AKAP13: variants seen among roughly 807,000 people sequenced by gnomAD.
The protein encoded by AKAP13 is A-kinase anchoring protein 13, also known as A-kinase anchor protein 13.
A neutral mutation model predicts 264.5 loss-of-function variants in AKAP13; 80 were observed. The observed-to-expected ratio is 0.30, with a 90% CI of 0.25 to 0.36. AKAP13 has a LOEUF of 0.36. Ranked by LOEUF, AKAP13 falls within the 10% of genes least tolerant of loss-of-function variation. AKAP13 has a pLI of 1.00. For synonymous variants in AKAP13, 1,380 were observed against 1,250.2 expected, an observed-to-expected ratio of 1.10 and a Z score of -2.19; for missense variants, 3,712 against 3,435.2, an observed-to-expected ratio of 1.08 and a Z score of -2.01.
chr15:85,587,287 T>C (rs907359340), intron 8 of AKAP13, among the ~76,000 whole-genome samples: 1 of 152,244 alleles, frequency 6.6e-6, no homozygotes, highest in East Asian at 1.9e-4. Context: ...CAGAACTTCA[T>C]GTAAATGGTA....
chr15:85,628,954 A>G lies in AKAP13; in HGVS notation c.4162-10420A>G, dbSNP rs188811825. Among the ~76,000 whole-genome samples, 529 of 152,294 alleles carry G rather than the reference A, an allele frequency of 3.5e-3. 5 individuals carry two copies. Among genetic ancestry groups the G allele is most frequent in the Non-Finnish European group, 1.6e-3 (112 of 68,034 alleles). The stretch of plus-strand genomic sequence containing the variant: ...GCGGCTGCAATCCTAATGCTTTGGG[A>G]AGCCGAGGTGGGAGGATTGCTTGAG... On this transcript the variant is annotated intron_variant, in intron 8 of 36. Transcript: ENST00000394518.
intron 1 of AKAP13, among the ~76,000 whole-genome samples, chr15:85,468,125 C>A (rs543993652): frequency 2.0e-5 from 3 of 152,256 alleles, no homozygotes; most frequent in African/African-American, 7.2e-5. Flanking sequence ...TCTTATATTT[C>A]TCAGGGTAAA....
chr15:85,613,713 T>TATATATATATATATA (rs1254657975), intron 8 of AKAP13, among the ~76,000 whole-genome samples: 19 of 110,880 alleles, frequency 1.7e-4, no homozygotes, highest in South Asian at 3.4e-4. Flanking sequence ...TATATATATA[T>TATATATATATATATA]TAGGAGTGCT....
chr15:85,690,849 C>T (rs1353074383), intron 16 of AKAP13, among the ~76,000 whole-genome samples: 2 of 152,174 alleles, frequency 1.3e-5, no homozygotes, highest in African/African-American at 4.8e-5. Flanking sequence ...CAGTTATTGG[C>T]GTGTGGCCTC....
chr15:85,736,417 GT>G (rs1177608907), intron 33 of AKAP13, among the ~76,000 whole-genome samples: 20 of 130,040 alleles, frequency 1.5e-4, no homozygotes, highest in Non-Finnish European at 2.6e-4. Flanking sequence ...GCCTCTTGCT[GT>G]TTTTTTGTTT....
chr15:85,717,905 A>T (rs2087047834), intron 21 of AKAP13, 102 bp from the exon 22 acceptor site: 2 of 1,145,072 alleles, frequency 1.7e-6, no homozygotes, highest in South Asian at 3.0e-5. Flanking sequence ...CCCTGTATTC[A>T]TGTGTCTTAT....
intron 2 of AKAP13, among the ~76,000 whole-genome samples, chr15:85,503,870 G>A (rs2076108069): frequency 6.6e-6 from 1 of 152,222 alleles, no homozygotes; most frequent in African/African-American, 2.4e-5. Flanking sequence ...ATTCTCAGGG[G>A]CTTGGTATAC....
At chr15:85,705,046 A>T (rs982685551) in intron 17 of AKAP13, among the ~76,000 whole-genome samples, 3 of 152,186 alleles carry the variant, frequency 2.0e-5, no homozygotes, top group Non-Finnish European at 4.4e-5. Context: ...CATAATATAG[A>T]GCGTGTTAAA....
chr15:85,726,854 T>G (rs534628228), intron 27 of AKAP13: 5 of 598,880 alleles, frequency 8.3e-6, no homozygotes, highest in Non-Finnish European at 1.4e-5. Context: ...ACTGGAACCT[T>G]TAGAGCCATA....
At chr15:85,478,403 C>T (rs182192223) in intron 1 of AKAP13, among the ~76,000 whole-genome samples, 29 of 152,258 alleles carry the variant, frequency 1.9e-4, no homozygotes, top group African/African-American at 7.0e-4. Context: ...TTTTTTAAAA[C>T]TACATTTAAC....
intron 19 of AKAP13, among the ~76,000 whole-genome samples, chr15:85,710,974 C>G (rs188953733): frequency 6.2e-4 from 94 of 152,010 alleles, no homozygotes; most frequent in African/African-American, 2.2e-3. Context: ...TAGTGCCTTA[C>G]AATCATACAA....
At chr15:85,686,057 G>A (rs2151617667) in intron 16 of AKAP13, among the ~76,000 whole-genome samples, 1 of 152,092 alleles carries the variant, frequency 6.6e-6, no homozygotes, top group Admixed American at 6.5e-5. Context: ...CTCACACCCT[G>A]TTCATCTACC....
At chr15:85,697,666 G>C (rs1404871336) in intron 17 of AKAP13, among the ~76,000 whole-genome samples, 1 of 152,178 alleles carries the variant, frequency 6.6e-6, no homozygotes, top group East Asian at 1.9e-4. Flanking sequence ...AAACAACTGA[G>C]TAAAATTTAA....
chr15:85,600,247 C>A (rs1195247664), intron 8 of AKAP13, among the ~76,000 whole-genome samples: 5 of 149,550 alleles, frequency 3.3e-5, no homozygotes, highest in African/African-American at 1.2e-4. Context: ...ATTCTTTTAG[C>A]AGTTGTTCCT....
rs2070385554 is a variant in AKAP13, at chr15:85,383,279, A to C, written c.-12+2481A>C. On this transcript the variant is annotated intron_variant, in intron 1 of 36. Coordinates refer to ENST00000394518, the MANE Select transcript of AKAP13 (RefSeq NM_007200.5). The stretch of plus-strand genomic sequence containing the variant: ...GAAAAAAATTAGAAATTTTAGAAAA[A>C]AGTACACCCTTTGGAACTAGGTAGC... Among the ~76,000 whole-genome samples, 3 of 152,136 alleles carry C rather than the reference A, an allele frequency of 2.0e-5. No homozygotes were observed. In the South Asian group the frequency reaches 6.2e-4, roughly 32 times the overall value.
At chr15:85,439,043 G>C (rs2073480920) in intron 1 of AKAP13, among the ~76,000 whole-genome samples, 1 of 149,552 alleles carries the variant, frequency 6.7e-6, no homozygotes, top group East Asian at 2.0e-4. Flanking sequence ...CCTACAAAAT[G>C]GGAGAAAATT....
chr15:85,499,653 G>T (rs1345070199), intron 2 of AKAP13, among the ~76,000 whole-genome samples: 1 of 151,640 alleles, frequency 6.6e-6, no homozygotes, highest in Non-Finnish European at 1.5e-5. Context: ...CTGCACCCCC[G>T]AGCCCTGCCA....
chr15:85,479,472 A>G (rs2075285128), intron 1 of AKAP13, among the ~76,000 whole-genome samples: 1 of 152,194 alleles, frequency 6.6e-6, no homozygotes, highest in African/African-American at 2.4e-5. Context: ...ACATTGTGCC[A>G]TGGAAGTACC....
chr15:85,615,275 T>C (rs1230560448), intron 8 of AKAP13, among the ~76,000 whole-genome samples: 3 of 152,208 alleles, frequency 2.0e-5, no homozygotes, highest in African/African-American at 7.2e-5. Flanking sequence ...GCTACTAATT[T>C]GAAAAGAAAT....
Sources: allele counts gnomAD v4.1 joint callset (sites outside exome capture counted in the v4.1 genomes callset), GRCh38; gene constraint gnomAD v4.1.1; transcripts MANE v1.5; gene names NCBI Gene and HGNC (gene_info 2026-07-23, HGNC 2026-07-21).